Variants in TNRC18 observed in about 807,000 individuals in gnomAD.
The protein encoded by TNRC18 is trinucleotide repeat containing 18, also known as trinucleotide repeat-containing gene 18 protein.
Under a neutral mutation model 226.7 loss-of-function variants are expected in TNRC18, and 69 were observed. The ratio of observed to expected loss-of-function variants is 0.30; its 90% CI spans 0.25 to 0.37. The LOEUF is 0.37. Among genes scored for constraint, TNRC18 ranks in the 10% least tolerant of loss-of-function variants. The pLI is 1.00. For missense variants in TNRC18, 4,754 were observed against 4,256.6 expected (o/e 1.12, Z -3.25); for synonymous variants, 2,449 against 1,927.6 (o/e 1.27, Z -7.09).
At position 5,335,212 on chromosome 7, in the gene TNRC18, A is replaced by T. The variant is rs537258138; in HGVS notation, c.5720-2163T>A. Reference sequence around the variant, plus strand: ...CAGCTACTCGGGAGGCTTAGGCAGGAGAATCACTTGGACCCGGAGGTGGAG... The same window carrying T: ...CAGCTACTCGGGAGGCTTAGGCAGGTGAATCACTTGGACCCGGAGGTGGAG... On this transcript the variant is annotated intron_variant, in intron 18 of 29. Transcript: ENST00000430969. Among the ~76,000 whole-genome samples, 57 of 148,214 alleles carry T rather than the reference A, an allele frequency of 3.8e-4. No individual in the cohort carries two copies. In the South Asian group the frequency reaches 0.012, roughly 31 times the overall value.
intron 18 of TNRC18, among the ~76,000 whole-genome samples, chr7:5,341,704 C>A (rs924093969): frequency 1.5e-4 from 22 of 141,942 alleles, no homozygotes; most frequent in Admixed American, 6.1e-4. Flanking sequence ...GCGGAGGTTG[C>A]AGTGAGCCAA....
intron 19 of TNRC18, among the ~76,000 whole-genome samples, chr7:5,326,689 C>T (rs1788943422): frequency 6.6e-6 from 1 of 152,130 alleles, no homozygotes; most frequent in African/African-American, 2.4e-5. Flanking sequence ...TGCCTGTAAT[C>T]TCAGCTACTC....
At chr7:5,325,308 C>G in intron 19 of TNRC18, 60 bp from the exon 20 acceptor site, 1 of 1,522,160 alleles carries the variant, frequency 6.6e-7, no homozygotes, top group Non-Finnish European at 8.8e-7. Context: ...AGGCAGCACC[C>G]CTGTCCCCCT....
chr7:5,374,005 T>C (rs1794394091), intron 10 of TNRC18, 50 bp downstream of exon 10: 5 of 1,386,362 alleles, frequency 3.6e-6, no homozygotes, highest in Non-Finnish European at 4.8e-6. Context: ...TGAGCAGTTT[T>C]ACCGCTCCAG....
chr7:5,336,206 T>TAAA (rs1194733009), intron 18 of TNRC18, among the ~76,000 whole-genome samples: 1 of 120,272 alleles, frequency 8.3e-6, no homozygotes, highest in Admixed American at 8.9e-5. Flanking sequence ...GACTCTGTTT[T>TAAA]AAAAAAAAAA....
Position 5,312,419 on chromosome 7 carries a change from G to A in TNRC18, c.8388+84C>T. On this transcript the variant is annotated intron_variant, in intron 27 of 29. Coordinates refer to ENST00000430969, the MANE Select transcript of TNRC18 (RefSeq NM_001080495.3). This position sits in a 1 kb window ranked among gnomAD's most constrained non-coding sequence, Gnocchi z 6.3. ...GGGTTCTGGGAGGTTACCACACACGGAGACACAGCATGAAGCCGTGGGCCC... is the reference window on the plus strand; with the variant it reads ...GGGTTCTGGGAGGTTACCACACACGAAGACACAGCATGAAGCCGTGGGCCC... 1.3e-6 allele frequency: 2 copies of A among 1,522,578 alleles called. No homozygotes were observed. Among genetic ancestry groups the A allele is most frequent in the Admixed American group, 2.1e-5 (1 of 46,928 alleles). The allele number at this position is 1,522,578 out of a possible 1,614,324, so 94.3% of individuals were successfully genotyped here.
rs760547828 is a variant in TNRC18, at chr7:5,332,640, G to A, written c.6129C>T (p.Asp2043=). 1.3e-6 allele frequency: 2 copies of A among 1,531,748 alleles called. No individual in the cohort carries two copies. Among genetic ancestry groups the A allele is most frequent in the Non-Finnish European group, 8.8e-7 (1 of 1,140,960 alleles). The allele number at this position is 1,531,748 out of a possible 1,614,324, so 94.9% of individuals were successfully genotyped here. The change falls in exon 19 of 30, where the codon GAC becomes GAT. Residue 2043 remains aspartate, a synonymous_variant. Coordinates refer to ENST00000430969, the MANE Select transcript of TNRC18 (RefSeq NM_001080495.3). ...SPRKDAGRAK[D]RKDPRKKKKG... The stretch of plus-strand genomic sequence containing the variant: ...CCCCTACCTTCCTGGGGTCCTTCCT[G>A]TCCTTTGCACGCCCGGCGTCCTTGC...
At chr7:5,360,892 T>C (rs1792964744) in intron 14 of TNRC18, among the ~76,000 whole-genome samples, 1 of 152,166 alleles carries the variant, frequency 6.6e-6, no homozygotes, top group Non-Finnish European at 1.5e-5. Context: ...CCCACGCTCC[T>C]TCTGCTTCCT....
chr7:5,374,822 C>G (rs1317304457), intron 9 of TNRC18, among the ~76,000 whole-genome samples: 1 of 152,228 alleles, frequency 6.6e-6, no homozygotes, highest in African/African-American at 2.4e-5. Context: ...ATGGGGGGCA[C>G]AAGGCCCCAC....
At chr7:5,390,963 T>TA (rs1780253371) in intron 3 of TNRC18, among the ~76,000 whole-genome samples, 1 of 152,054 alleles carries the variant, frequency 6.6e-6, no homozygotes, top group African/African-American at 2.4e-5. Context: ...AAACAACCTA[T>TA]AAGGAAGAGA....
In TNRC18 at chr7:5,351,970, A is replaced by AC; in HGVS notation, c.5318dup (p.Gly1774TrpfsTer49). 6.2e-7 allele frequency: 1 copy of AC among 1,613,940 alleles called. No homozygotes were observed. The highest frequency in any genetic ancestry group is 8.5e-7 in the Non-Finnish European group (1 of 1,179,870). On this transcript the variant is annotated frameshift_variant, in exon 17 of 30. Transcript: ENST00000430969. LOFTEE classifies it high-confidence loss of function. ...GGCCCCTCTTGGTCAGCTTGGGGCC[A>AC]CCAGCTGCCTTGCTGTTCTTTGCCA... is the stretch of plus-strand genomic sequence containing the variant.
intron 21 of TNRC18, among the ~76,000 whole-genome samples, chr7:5,321,868 C>T (rs1056171664): frequency 6.6e-6 from 1 of 151,800 alleles, no homozygotes; most frequent in Admixed American, 6.6e-5. Flanking sequence ...GACGGGGTTC[C>T]ACCATGTTGG....
Position 5,308,090 on chromosome 7 carries a change from G to C in TNRC18, c.*16C>G, listed in dbSNP as rs562614370. 1.9e-6 allele frequency: 3 copies of C among 1,543,576 alleles called. No individual in the cohort carries two copies. The highest frequency in any genetic ancestry group is 2.6e-6 in the Non-Finnish European group (3 of 1,142,636). On this transcript the variant is annotated 3_prime_UTR_variant, in exon 30 of 30. Transcript: ENST00000430969. ...GCCGCCCTCGGGGCACAGGTGGCCC[G>C]CAGGGCCCGGCGGGCTCAGCAGAGC...
rs1788295080 is a variant in TNRC18, at chr7:5,321,012, G to A, written c.6560+61C>T. ...GGAGAAGCAGCCAGGCACAGAGGCG[G>A]CCGGGACACGGGGCGGGTATGGGAC... On this transcript the variant is annotated intron_variant, in intron 22 of 29. Coordinates refer to ENST00000430969, the MANE Select transcript of TNRC18 (RefSeq NM_001080495.3). 3.2e-6 allele frequency: 4 copies of A among 1,234,314 alleles called. No homozygotes were observed. The Admixed American group carries it at 8.4e-5, about 26-fold the overall frequency. The allele number at this position is 1,234,314 out of a possible 1,614,324, so 76.5% of individuals were successfully genotyped here.
chr7:5,369,514 G>A (rs1793952043), intron 11 of TNRC18, among the ~76,000 whole-genome samples: 3 of 152,144 alleles, frequency 2.0e-5, no homozygotes, highest in African/African-American at 7.2e-5. Flanking sequence ...CCACCCCAGT[G>A]AGGACAGTAA....
Position 5,324,103 on chromosome 7 carries a change from C to T in TNRC18, c.6442+111G>A, listed in dbSNP as rs1318302845. 1.1e-5 allele frequency: 14 copies of T among 1,248,868 alleles called. No individual in the cohort carries two copies. The highest frequency in any genetic ancestry group is 1.4e-5 in the Non-Finnish European group (13 of 916,808). 77.4% of individuals were successfully genotyped at this position (1,248,868 alleles called of 1,614,324 possible). On this transcript the variant is annotated intron_variant, in intron 21 of 29. Coordinates refer to ENST00000430969, the MANE Select transcript of TNRC18 (RefSeq NM_001080495.3). The surrounding 1 kb of genome is among the most constrained non-coding windows in gnomAD (Gnocchi z 4.8). ...CCTCAGGATCTCTGCTCCTGTGGTT[C>T]CCTGCCCCCAGCTAGCCCAGCCCTT...
Position 5,362,878 on chromosome 7 carries a change from C to T in TNRC18, c.4220-53G>A, listed in dbSNP as rs369475664. 156 of 1,442,566 alleles carry T rather than the reference C, an allele frequency of 1.1e-4. 1 individual carries two copies. In the African/African-American group the frequency reaches 1.5e-3, roughly 14 times the overall value. The allele number at this position is 1,442,566 out of a possible 1,614,324, so 89.4% of individuals were successfully genotyped here. A position where few individuals can be genotyped will look rare whatever the true frequency, so the allele number is the denominator to read the frequency against. On this transcript the variant is annotated intron_variant, in intron 11 of 29. Transcript: ENST00000430969. ...GCTGCTGCCACCCCTTCCCCAACCC[C>T]AAACGGGGATGCCGAGGCCCAAAGC...
chr7:5,307,774 CGCA>C lies in TNRC18; in HGVS notation c.*329_*331del. ...GGACCTGGGGGCACCCGGGCCCCCACGCAGCAGCAGCCTGGAGGGCCGGCCTGG... is the reference window on the plus strand; with the variant it reads ...GGACCTGGGGGCACCCGGGCCCCCACGCAGCAGCCTGGAGGGCCGGCCTGG... On this transcript the variant is annotated 3_prime_UTR_variant, in exon 30 of 30. Coordinates refer to ENST00000430969, the MANE Select transcript of TNRC18 (RefSeq NM_001080495.3). The C allele has an allele frequency of 5.1e-6, 2 of 394,304 alleles. No individual in the cohort carries two copies. Among genetic ancestry groups the C allele is most frequent in the Non-Finnish European group, 9.6e-6 (2 of 207,270 alleles). 24.4% of individuals were successfully genotyped at this position (394,304 alleles called of 1,614,324 possible).
In TNRC18 at chr7:5,388,452, C is replaced by T. The variant is rs750127699; in HGVS notation, c.1372G>A (p.Ala458Thr). The change falls in exon 5 of 30, where the codon GCC (alanine) becomes ACC (threonine). Residue 458 changes from alanine to threonine, a missense_variant. By Grantham distance (58) the Ala-to-Thr change is moderately conservative. Transcript: ENST00000430969. ...AGCAGCTCCTTGGCAGGCACGTAGGCGCGGGGGTCCGGGGAGGCGCGTGTG... is the reference window on the plus strand; with the variant it reads ...AGCAGCTCCTTGGCAGGCACGTAGGTGCGGGGGTCCGGGGAGGCGCGTGTG... ...RATRASPDPRAYVPAKELLKP... is the reference protein window; with the variant it reads ...RATRASPDPRTYVPAKELLKP... The T allele has an allele frequency of 8.3e-6, 12 of 1,450,732 alleles. No homozygotes were observed. The highest frequency in any genetic ancestry group is 9.9e-6 in the Non-Finnish European group (11 of 1,114,180). The allele number at this position is 1,450,732 out of a possible 1,614,324, so 89.9% of individuals were successfully genotyped here. A position where few individuals can be genotyped will look rare whatever the true frequency, so the allele number is the denominator to read the frequency against.
Sources: allele counts gnomAD v4.1 joint callset (sites outside exome capture counted in the v4.1 genomes callset), GRCh38; gene constraint gnomAD v4.1.1; non-coding constraint Gnocchi (gnomAD v3.1); transcripts MANE v1.5; gene names NCBI Gene and HGNC (gene_info 2026-07-23, HGNC 2026-07-21).